MACROD2: variants seen among roughly 807,000 people sequenced by gnomAD.
The protein encoded by MACROD2 is mono-ADP ribosylhydrolase 2.
MACROD2 carries 36 observed loss-of-function variants against 70.4 expected under a neutral mutation model. The ratio of observed to expected loss-of-function variants is 0.51; its 90% CI spans 0.39 to 0.68. The LOEUF (loss-of-function observed/expected upper bound fraction) is 0.68. Ranked by LOEUF, MACROD2 falls within the 30% of genes least tolerant of loss-of-function variation. The pLI is 0.00. For missense variants in MACROD2, 496 were observed against 538.4 expected (o/e 0.92, Z 0.78); for synonymous variants, 172 against 178.8 (o/e 0.96, Z 0.30).
chr20:14,042,307 C>G (rs1197319359), intron 2 of MACROD2, among the ~76,000 whole-genome samples: 2 of 152,088 alleles, frequency 1.3e-5, no homozygotes, highest in African/African-American at 4.8e-5. Flanking sequence ...GGAGAGAGAT[C>G]TTTGGGCCTT....
chr20:15,006,579 T>A (rs2075039633), intron 5 of MACROD2, among the ~76,000 whole-genome samples: 1 of 152,156 alleles, frequency 6.6e-6, no homozygotes, highest in Admixed American at 6.5e-5. Flanking sequence ...TATATGTATA[T>A]CAAAACTTCG....
At chr20:15,810,610 A>G (rs1371296915) in intron 8 of MACROD2, among the ~76,000 whole-genome samples, 1 of 152,220 alleles carries the variant, frequency 6.6e-6, no homozygotes, top group Non-Finnish European at 1.5e-5. Context: ...TGGCACCAAA[A>G]AAGAGCCCGC....
chr20:14,197,955 C>A (rs1283735390), intron 3 of MACROD2, among the ~76,000 whole-genome samples: 1 of 152,096 alleles, frequency 6.6e-6, no homozygotes, highest in Admixed American at 6.5e-5. Context: ...AGAAATGACA[C>A]ATTACATTAC....
intron 5 of MACROD2, among the ~76,000 whole-genome samples, chr20:14,803,839 G>T (rs2072607035): frequency 6.6e-6 from 1 of 152,000 alleles, no homozygotes; most frequent in African/African-American, 2.4e-5. Context: ...CTGTCACTTG[G>T]ACAGGTAAAT....
At chr20:15,980,952 T>C (rs2066388993) in intron 13 of MACROD2, among the ~76,000 whole-genome samples, 1 of 152,234 alleles carries the variant, frequency 6.6e-6, no homozygotes, top group Non-Finnish European at 1.5e-5. Flanking sequence ...TGAGCCATCT[T>C]GTGTCTAAGT....
Position 15,629,570 on chromosome 20 carries a change from A to G in MACROD2, c.645+129723A>G, listed in dbSNP as rs556148239. Among the ~76,000 whole-genome samples the G allele has an allele frequency of 5.3e-5, 8 of 152,368 alleles. No individual in the cohort carries two copies. In the South Asian group the frequency reaches 1.7e-3, roughly 32 times the overall value. On this transcript the variant is annotated intron_variant, in intron 8 of 17. Coordinates refer to ENST00000684519, the MANE Select transcript of MACROD2 (RefSeq NM_001351661.2). Reference sequence around the variant, plus strand: ...GATATTTAATCAGTGCTCTTTCCACATCTTTCAGCCAAATAACATTCACTT... The same window carrying G: ...GATATTTAATCAGTGCTCTTTCCACGTCTTTCAGCCAAATAACATTCACTT...
intron 5 of MACROD2, among the ~76,000 whole-genome samples, chr20:14,685,945 G>A (rs1251889756): frequency 1.3e-5 from 2 of 152,176 alleles, no homozygotes; most frequent in Non-Finnish European, 2.9e-5. Context: ...GTGTGTGAAT[G>A]GAGAATAGCG....
intron 7 of MACROD2, among the ~76,000 whole-genome samples, chr20:15,454,453 A>ACACACACACACACC (rs1454301030): frequency 1.5e-5 from 2 of 131,692 alleles, no homozygotes; most frequent in African/African-American, 5.6e-5. Flanking sequence ...ACACACACAC[A>ACACACACACACACC]CCCTTATTAT....
At chr20:15,695,158 T>C (rs1299405455) in intron 8 of MACROD2, among the ~76,000 whole-genome samples, 2 of 152,158 alleles carry the variant, frequency 1.3e-5, no homozygotes, top group African/African-American at 4.8e-5. Context: ...GTGTGATGTC[T>C]CCAGATTTGT....
At chr20:14,102,954 A>G (rs1321794017) in intron 3 of MACROD2, among the ~76,000 whole-genome samples, 1 of 152,132 alleles carries the variant, frequency 6.6e-6, no homozygotes, top group African/African-American at 2.4e-5. Context: ...AGAAAACAGC[A>G]TTTCTATGAG....
rs534146225 is a variant in MACROD2, at chr20:15,499,357, G to A, written c.572-417G>A. Among the ~76,000 whole-genome samples, 37 of 152,250 alleles carry A rather than the reference G, an allele frequency of 2.4e-4. No homozygotes were observed. In the South Asian group the frequency reaches 3.9e-3, roughly 16 times the overall value. On this transcript the variant is annotated intron_variant, in intron 7 of 17. Transcript: ENST00000684519. Reference sequence around the variant, plus strand: ...AGTTCTGCTGGCCTTGTGACTGGCAGAACTGACCCTGGACTAACTGCATGT... The same window carrying A: ...AGTTCTGCTGGCCTTGTGACTGGCAAAACTGACCCTGGACTAACTGCATGT...
At chr20:15,898,131 C>T (rs922370533) in intron 10 of MACROD2, among the ~76,000 whole-genome samples, 3 of 152,058 alleles carry the variant, frequency 2.0e-5, no homozygotes, top group African/African-American at 7.2e-5. Context: ...ACGACCAATG[C>T]TAAAACTGAC....
intron 6 of MACROD2, among the ~76,000 whole-genome samples, chr20:15,388,620 G>A (rs193204654): frequency 6.6e-6 from 1 of 152,108 alleles, no homozygotes; most frequent in Non-Finnish European, 1.5e-5. Context: ...TTATTTGCTA[G>A]ATCAGCAACC....
rs371886345 is a variant in MACROD2 at position 15,981,994 on chromosome 20, A to AT, written c.986-4725dup. Among the ~76,000 whole-genome samples, 355 of 151,338 alleles carry AT rather than the reference A, an allele frequency of 2.3e-3. 2 individuals are homozygous for AT. The highest frequency in any genetic ancestry group is 8.2e-3 in the African/African-American group (340 of 41,214). On this transcript the variant is annotated intron_variant, in intron 13 of 17. Transcript: ENST00000684519. ...ACATACTTTTTTTTTTTGCTGTGTA[A>AT]TTTTTTTTCCCTCATCAGAGAACCG...
At chr20:15,624,793 A>G (rs2049179138) in intron 8 of MACROD2, among the ~76,000 whole-genome samples, 1 of 152,166 alleles carries the variant, frequency 6.6e-6, no homozygotes, top group African/African-American at 2.4e-5. Flanking sequence ...ATATTATATA[A>G]TATGCTTTCA....
chr20:14,230,669 CTATATATATATATATATATA>C (rs71190120), intron 3 of MACROD2, among the ~76,000 whole-genome samples: 20 of 92,916 alleles, frequency 2.2e-4, no homozygotes, highest in Middle Eastern at 6.4e-3. Flanking sequence ...CAGGCTGGGC[CTATATATATATATATATATA>C]TATATATATA....
chr20:14,956,616 G>A (rs999558032), intron 5 of MACROD2, among the ~76,000 whole-genome samples: 7 of 152,152 alleles, frequency 4.6e-5, no homozygotes, highest in Non-Finnish European at 8.8e-5. Context: ...GGTGATACTA[G>A]TTAGTTGTGA....
At chr20:16,044,746 G>GTGGGGA in intron 17 of MACROD2, 107 bp downstream of exon 17, 2 of 968,928 alleles carry the variant, frequency 2.1e-6, no homozygotes, top group Non-Finnish European at 3.3e-6. Flanking sequence ...CCACAGCATG[G>GTGGGGA]CTTGGGATAA....
intron 7 of MACROD2, among the ~76,000 whole-genome samples, chr20:15,492,620 A>T (rs2047245968): frequency 6.6e-6 from 1 of 152,216 alleles, no homozygotes; most frequent in Non-Finnish European, 1.5e-5. Context: ...TGTTCAACTG[A>T]TGTCAACATA....
Sources: allele counts gnomAD v4.1 joint callset (sites outside exome capture counted in the v4.1 genomes callset), GRCh38; gene constraint gnomAD v4.1.1; transcripts MANE v1.5; gene names NCBI Gene and HGNC (gene_info 2026-07-23, HGNC 2026-07-21).